TENM2: variants seen among roughly 807,000 people sequenced by gnomAD.
The protein encoded by TENM2 is teneurin transmembrane protein 2, also known as teneurin-2.
In TENM2, 52 loss-of-function variants were observed where a neutral mutation model predicts 245.2. The observed-to-expected ratio is 0.21, with a 90% CI of 0.17 to 0.27. The LOEUF is 0.27. Among genes scored for constraint, TENM2 ranks in the 10% least tolerant of loss-of-function variants. The pLI is 1.00. For missense variants in TENM2, 3,046 were observed against 3,666.8 expected (o/e 0.83, Z 4.37); for synonymous variants, 1,363 against 1,438.9 (o/e 0.95, Z 1.19).
intron 3 of TENM2, among the ~76,000 whole-genome samples, chr5:167,939,573 A>G (rs1218460263): frequency 1.3e-5 from 2 of 152,220 alleles, no homozygotes; most frequent in Non-Finnish European, 2.9e-5. Flanking sequence ...AAAGTGTTTC[A>G]ATATATAACG....
chr5:168,225,704 T>C (rs1764107928), intron 23 of TENM2, among the ~76,000 whole-genome samples: 1 of 145,456 alleles, frequency 6.9e-6, no homozygotes, highest in Non-Finnish European at 1.5e-5. Context: ...GAGGTTGCAG[T>C]GAGCGGAGAT....
chr5:168,182,829 T>TA lies in TENM2; in HGVS notation c.2570-7508_2570-7507insA, dbSNP rs1378705724. Among the ~76,000 whole-genome samples the TA allele has an allele frequency of 4.4e-5, 6 of 137,578 alleles. No individual in the cohort carries two copies. The East Asian group carries it at 1.2e-3, about 27-fold the overall frequency. 90.3% of individuals were successfully genotyped at this position (137,578 alleles called of 152,430 possible). The stretch of plus-strand genomic sequence containing the variant: ...GTTCCTCCCCTTCAGGGTGCTCTTT[T>TA]TTTTTTTTTTTTTTTTTTTGAGACA... On this transcript the variant is annotated intron_variant, in intron 13 of 28. Transcript: ENST00000518659.
the TENM2 span, among the ~76,000 whole-genome samples, chr5:166,992,059 AT>A: frequency 0.81 from 119,118 of 147,102 alleles, 48,102 homozygotes; most frequent in Middle Eastern, 0.85. Flanking sequence ...TCATATTCCA[AT>A]TTTTTTTTTT....
At chr5:168,242,479 A>C (rs1052346133) in intron 25 of TENM2, among the ~76,000 whole-genome samples, 2 of 152,210 alleles carry the variant, frequency 1.3e-5, no homozygotes, top group Non-Finnish European at 2.9e-5. Flanking sequence ...TGAAGGCCTA[A>C]GTTCCAGACC....
intron 13 of TENM2, chr5:168,187,290 A>T (rs1760549465): frequency 6.6e-6 from 1 of 152,252 alleles, no homozygotes. Context: ...GGAAAGAGTG[A>T]CAGGCTGGAG....
At chr5:167,929,069 GAAA>G (rs1561945624) in intron 3 of TENM2, among the ~76,000 whole-genome samples, 48 of 18,846 alleles carry the variant, frequency 2.5e-3, no homozygotes, top group Admixed American at 0.011. Context: ...GAGAAAGAAA[GAAA>G]GAAAGAAAGA....
intron 2 of TENM2, among the ~76,000 whole-genome samples, chr5:167,684,517 G>A (rs1449593337): frequency 2.6e-5 from 4 of 152,204 alleles, no homozygotes; most frequent in Non-Finnish European, 4.4e-5. Flanking sequence ...CTCAGATAGA[G>A]CTTGGGTAAT....
chr5:167,742,368 T>TA (rs75184865), intron 2 of TENM2, among the ~76,000 whole-genome samples: 17,850 of 142,476 alleles, frequency 0.13, 1,507 homozygotes, highest in East Asian at 0.45. Context: ...ATAGATAAAT[T>TA]AAAAAAAAAA....
the TENM2 span, among the ~76,000 whole-genome samples, chr5:167,095,772 T>C: frequency 6.0e-5 from 9 of 149,382 alleles, no homozygotes; most frequent in South Asian, 1.7e-3. Flanking sequence ...GCCTTTCTTT[T>C]TTTTTTTTTT....
In TENM2 at chr5:167,589,453, C is replaced by T. The variant is rs371773794; in HGVS notation, c.502+213980C>T. 1.7e-3 allele frequency among the ~76,000 whole-genome samples: 259 copies of T among 152,168 alleles called. 12 individuals are homozygous for T. The South Asian group carries it at 0.052, about 30-fold the overall frequency. ...ATATAAGTGTGAACTGTGTAGAGCA[C>T]ACAGGAATGCTGAGTGCCACATTTT... On this transcript the variant is annotated intron_variant, in intron 2 of 28. Transcript: ENST00000518659.
intron 2 of TENM2, among the ~76,000 whole-genome samples, chr5:167,835,163 T>C (rs535094397): frequency 6.6e-6 from 1 of 152,324 alleles, no homozygotes; most frequent in South Asian, 2.1e-4. Context: ...GTTATGTTTA[T>C]ATAAAGTGCC....
At chr5:167,654,239 TTGC>T (rs1754679562) in intron 2 of TENM2, among the ~76,000 whole-genome samples, 1 of 152,126 alleles carries the variant, frequency 6.6e-6, no homozygotes, top group Non-Finnish European at 1.5e-5. Context: ...ATTGGTAAAC[TTGC>T]CTCCTACCAG....
chr5:166,981,103 C>T, the TENM2 span, among the ~76,000 whole-genome samples: 18 of 152,108 alleles, frequency 1.2e-4, no homozygotes, highest in Non-Finnish European at 1.6e-4. Flanking sequence ...AGAAAAAAAC[C>T]TACTCTAAGG....
the TENM2 span, among the ~76,000 whole-genome samples, chr5:167,128,878 C>T: frequency 3.3e-5 from 5 of 152,210 alleles, no homozygotes; most frequent in African/African-American, 1.2e-4. Context: ...CTAAACTCTA[C>T]TTAAAGAAAT....
chr5:167,438,324 C>T (rs939023801), intron 2 of TENM2, among the ~76,000 whole-genome samples: 8 of 152,124 alleles, frequency 5.3e-5, no homozygotes, highest in African/African-American at 1.9e-4. Context: ...TGTTCAAAAC[C>T]AAAAGTGCAT....
At chr5:167,104,041 A>G in the TENM2 span, among the ~76,000 whole-genome samples, 2 of 152,088 alleles carry the variant, frequency 1.3e-5, no homozygotes, top group African/African-American at 4.8e-5. Flanking sequence ...ATACCCTGAC[A>G]GTGTTCATCT....
At chr5:167,375,264 C>A in exon 2 of TENM2, 1 of 1,551,772 alleles carries the variant, frequency 6.4e-7, no homozygotes, top group Non-Finnish European at 8.7e-7. Flanking sequence ...GGCTACTGCT[C>A]CGACATGGGG....
At chr5:167,271,965 C>T in the TENM2 span, among the ~76,000 whole-genome samples, 5 of 152,102 alleles carry the variant, frequency 3.3e-5, no homozygotes, top group African/African-American at 4.8e-5. Context: ...CCAGATTTTC[C>T]TTGGTCTACC....
At chr5:167,005,855 C>G in the TENM2 span, among the ~76,000 whole-genome samples, 1 of 151,516 alleles carries the variant, frequency 6.6e-6, no homozygotes, top group East Asian at 1.9e-4. Flanking sequence ...AGAGACAGAG[C>G]TTCACCATGT....
Sources: gnomAD v4.1 joint callset for allele counts (sites outside exome capture counted in the v4.1 genomes callset) on GRCh38, gnomAD v4.1.1 for gene constraint, MANE v1.5 for transcripts, NCBI Gene and HGNC (gene_info 2026-07-23, HGNC 2026-07-21) for gene names.